CSMD1: variants seen among roughly 807,000 people sequenced by gnomAD.
CSMD1 encodes CUB and Sushi multiple domains 1.
In CSMD1, 213 loss-of-function variants were observed where a neutral mutation model predicts 417.5. That is an observed-to-expected ratio of 0.51 (90% confidence interval 0.46 to 0.57). The LOEUF (loss-of-function observed/expected upper bound fraction) is 0.57. Among genes scored for constraint, CSMD1 ranks in the 20% least tolerant of loss-of-function variants. The probability of loss-of-function intolerance (pLI) is 0.00; values close to 1 mark genes in which losing one functional copy is unlikely to be tolerated. For synonymous variants in CSMD1, 2,862 were observed against 1,736.8 expected (o/e 1.65, Z -16.11); for missense variants, 6,923 against 4,529.7 (o/e 1.53, Z -15.17).
chr8:3,972,719 G>C lies in CSMD1; in HGVS notation c.818+25184C>G, dbSNP rs79892810. Among the ~76,000 whole-genome samples the C allele has an allele frequency of 7.7e-3, 1,180 of 152,308 alleles. 19 individuals carry two copies. The highest frequency in any genetic ancestry group is 0.069 in the East Asian group (359 of 5,188). On this transcript the variant is annotated intron_variant, in intron 5 of 69. Transcript: ENST00000635120. The stretch of plus-strand genomic sequence containing the variant: ...AAATAGCTTCTTTTCAACACTACTT[G>C]TGGGAGTAAACACACAGCACCAGCT...
At chr8:4,779,987 C>T (rs1266152600) in intron 1 of CSMD1, among the ~76,000 whole-genome samples, 1 of 152,118 alleles carries the variant, frequency 6.6e-6, no homozygotes, top group South Asian at 2.1e-4. Context: ...GGCTTTTCAG[C>T]AAACATTCTT....
chr8:3,702,035 G>A (rs1052061263), intron 7 of CSMD1: 2 of 152,116 alleles, frequency 1.3e-5, no homozygotes, highest in Non-Finnish European at 2.9e-5. Context: ...CAAAGAGCAA[G>A]GAAGTGAACG....
chr8:4,671,020 G>A (rs1190248880), intron 1 of CSMD1, among the ~76,000 whole-genome samples: 1 of 152,180 alleles, frequency 6.6e-6, no homozygotes. Context: ...TACATTGGCT[G>A]CTGTTTTATC....
At chr8:4,304,925 G>C (rs201213091) in intron 3 of CSMD1, among the ~76,000 whole-genome samples, 3 of 152,090 alleles carry the variant, frequency 2.0e-5, no homozygotes, top group African/African-American at 7.2e-5. Flanking sequence ...ATGAGATGAT[G>C]AACAAGTACT....
At chr8:3,943,830 T>A (rs1811052822) in intron 5 of CSMD1, among the ~76,000 whole-genome samples, 1 of 151,938 alleles carries the variant, frequency 6.6e-6, no homozygotes, top group South Asian at 2.1e-4. Context: ...GTGTAAAGGA[T>A]ATGGAAGGAA....
chr8:4,338,437 C>A (rs920746528), intron 3 of CSMD1, among the ~76,000 whole-genome samples: 1 of 152,078 alleles, frequency 6.6e-6, no homozygotes, highest in Admixed American at 6.6e-5. Context: ...CAGAGCCATG[C>A]AAACAAGAAA....
chr8:4,130,999 G>C (rs1803068763), intron 3 of CSMD1, among the ~76,000 whole-genome samples: 1 of 152,122 alleles, frequency 6.6e-6, no homozygotes, highest in East Asian at 1.9e-4. Context: ...TCTCCCTGCT[G>C]TTGGAATCTA....
At chr8:4,030,159 T>C (rs189585738) in intron 4 of CSMD1, among the ~76,000 whole-genome samples, 1 of 151,776 alleles carries the variant, frequency 6.6e-6, no homozygotes, top group African/African-American at 2.4e-5. Context: ...GGATCTACCA[T>C]TCTGGAGTCT....
intron 5 of CSMD1, among the ~76,000 whole-genome samples, chr8:3,988,017 C>T (rs1814466293): frequency 6.6e-6 from 1 of 152,212 alleles, no homozygotes; most frequent in South Asian, 2.1e-4. Flanking sequence ...AATGATTTTA[C>T]TTTCAACACA....
chr8:3,497,150 C>G (rs150694646), intron 10 of CSMD1, among the ~76,000 whole-genome samples: 1 of 152,016 alleles, frequency 6.6e-6, no homozygotes, highest in South Asian at 2.1e-4. Context: ...TGTAAATGTC[C>G]GTTAGGTCCA....
chr8:4,062,275 C>T (rs921622667), intron 3 of CSMD1, among the ~76,000 whole-genome samples: 5 of 152,002 alleles, frequency 3.3e-5, no homozygotes, highest in African/African-American at 4.8e-5. Flanking sequence ...TGCAATAAAA[C>T]CAAAGTTGGC....
chr8:3,274,777 C>T (rs1337308978), intron 26 of CSMD1, among the ~76,000 whole-genome samples: 1 of 151,984 alleles, frequency 6.6e-6, no homozygotes, highest in East Asian at 1.9e-4. Flanking sequence ...TTTCCATTTG[C>T]TTGGTAGATC....
At chr8:3,653,869 G>A (rs1237329659) in intron 7 of CSMD1, among the ~76,000 whole-genome samples, 1 of 152,122 alleles carries the variant, frequency 6.6e-6, no homozygotes, top group African/African-American at 2.4e-5. Flanking sequence ...TCCCAGAAAT[G>A]ACTGTCTTAA....
At chr8:3,625,522 C>T (rs868794921) in intron 7 of CSMD1, among the ~76,000 whole-genome samples, 1 of 152,010 alleles carries the variant, frequency 6.6e-6, no homozygotes, top group Non-Finnish European at 1.5e-5. Flanking sequence ...CCAATTTTAC[C>T]CATGTTCTCT....
At chr8:4,570,497 G>C (rs868152968) in intron 2 of CSMD1, among the ~76,000 whole-genome samples, 1 of 152,150 alleles carries the variant, frequency 6.6e-6, no homozygotes, top group African/African-American at 2.4e-5. Context: ...ACTGGATCAT[G>C]TTGGATAAGC....
At chr8:4,752,795 G>C (rs542272118) in intron 1 of CSMD1, among the ~76,000 whole-genome samples, 1 of 152,106 alleles carries the variant, frequency 6.6e-6, no homozygotes, top group Non-Finnish European at 1.5e-5. Context: ...AGGAGAGAAG[G>C]CATCAGTACC....
chr8:4,933,814 G>A (rs79063137), intron 1 of CSMD1, among the ~76,000 whole-genome samples: 3,930 of 152,140 alleles, frequency 0.026, 48 homozygotes, highest in Middle Eastern at 0.082. Context: ...ATGTGAGCCC[G>A]ATACATTTAT....
intron 5 of CSMD1, among the ~76,000 whole-genome samples, chr8:3,778,049 G>A (rs1370881556): frequency 6.6e-6 from 1 of 152,222 alleles, no homozygotes; most frequent in Non-Finnish European, 1.5e-5. Context: ...TGCTTAACAG[G>A]CTGTCCACGT....
At chr8:3,767,828 G>A (rs552489054) in intron 5 of CSMD1, among the ~76,000 whole-genome samples, 7 of 152,204 alleles carry the variant, frequency 4.6e-5, no homozygotes, top group South Asian at 4.1e-4. Flanking sequence ...GCAGCCTTGC[G>A]GGTGGAAATG....
Sources: allele counts gnomAD v4.1 joint callset (sites outside exome capture counted in the v4.1 genomes callset), GRCh38; gene constraint gnomAD v4.1.1; transcripts MANE v1.5; gene names NCBI Gene and HGNC (gene_info 2026-07-23, HGNC 2026-07-21).